The following ATP8A2 variants were observed in gnomAD, a reference collection of about 807,000 sequenced individuals.
ATP8A2 encodes the protein phospholipid-transporting ATPase IB.
A neutral mutation model predicts 165.6 loss-of-function variants in ATP8A2; 100 were observed. The ratio of observed to expected loss-of-function variants is 0.60; its 90% CI spans 0.51 to 0.71. The LOEUF (loss-of-function observed/expected upper bound fraction) is 0.71, where lower values mean the gene tolerates loss of function less well. Ranked by LOEUF, ATP8A2 falls within the 30% of genes least tolerant of loss-of-function variation. The probability of loss-of-function intolerance (pLI) is 0.00; values close to 1 mark genes in which losing one functional copy is unlikely to be tolerated. For missense variants in ATP8A2, 1,227 were observed against 1,479.5 expected (o/e 0.83, Z 2.80); for synonymous variants, 543 against 548.8 (o/e 0.99, Z 0.15).
chr13:25,728,671 C>A (rs757357468), intron 25 of ATP8A2, among the ~76,000 whole-genome samples: 15 of 152,112 alleles, frequency 9.9e-5, no homozygotes, highest in Non-Finnish European at 1.9e-4. Context: ...AAGTGAAACA[C>A]CCCAGGTTTT....
chr13:25,864,656 A>T (rs1242330718), intron 33 of ATP8A2, among the ~76,000 whole-genome samples: 1 of 152,250 alleles, frequency 6.6e-6, no homozygotes, highest in Non-Finnish European at 1.5e-5. Flanking sequence ...TCTTTAAAAC[A>T]TGTCATTTTA....
intron 24 of ATP8A2, among the ~76,000 whole-genome samples, chr13:25,649,550 G>A (rs185730032): frequency 1.3e-5 from 2 of 152,312 alleles, no homozygotes; most frequent in African/African-American, 4.8e-5. Flanking sequence ...TTGAGGTTAA[G>A]TGCTGTGTAA....
At chr13:25,589,767 T>C in intron 24 of ATP8A2, 68 bp downstream of exon 24, 1 of 964,334 alleles carries the variant, frequency 1.0e-6, no homozygotes, top group East Asian at 2.5e-5. Flanking sequence ...TCTACTATCA[T>C]TGATAATCAG....
At chr13:25,463,143 T>TTTTTA (rs10674299) in intron 1 of ATP8A2, among the ~76,000 whole-genome samples, 4 of 145,802 alleles carry the variant, frequency 2.7e-5, no homozygotes, top group South Asian at 2.2e-4. Context: ...TTTTTTTTTT[T>TTTTTA]GAGATAATGA....
intron 2 of ATP8A2, among the ~76,000 whole-genome samples, chr13:25,507,863 T>A (rs1203459514): frequency 6.6e-6 from 1 of 152,122 alleles, no homozygotes; most frequent in Non-Finnish European, 1.5e-5. Flanking sequence ...AACTACTAAA[T>A]GTAAACTACA....
intron 24 of ATP8A2, among the ~76,000 whole-genome samples, chr13:25,630,852 G>C (rs1416076513): frequency 6.6e-6 from 1 of 151,970 alleles, no homozygotes; most frequent in Non-Finnish European, 1.5e-5. Flanking sequence ...AAAATCCTTA[G>C]GGTCCGCTTT....
intron 2 of ATP8A2, among the ~76,000 whole-genome samples, chr13:25,494,387 CT>C (rs1566183323): frequency 6.6e-6 from 1 of 152,172 alleles, no homozygotes. Flanking sequence ...CTTTCTGCCA[CT>C]GCAGAGACTC....
intron 25 of ATP8A2, among the ~76,000 whole-genome samples, chr13:25,758,171 T>G (rs1368722348): frequency 2.0e-5 from 3 of 152,212 alleles, no homozygotes; most frequent in Non-Finnish European, 4.4e-5. Flanking sequence ...CCTTAATCTT[T>G]CACCCCTTTT....
rs574987320 is a variant in ATP8A2, at chr13:25,822,796, T to G, written c.2680-5322T>G. 2.4e-3 allele frequency among the ~76,000 whole-genome samples: 360 copies of G among 152,318 alleles called. 2 individuals are homozygous for G. Among genetic ancestry groups the G allele is most frequent in the Non-Finnish European group, 3.8e-3 (259 of 68,036 alleles). On this transcript the variant is annotated intron_variant, in intron 27 of 36. Transcript: ENST00000381655. ...TTCTAAGTTTAATGTCTTACAGGAG[T>G]CATGTTTCACATAGAGCAAAATAAT...
At chr13:25,883,965 A>G (rs1196124346) in intron 33 of ATP8A2, among the ~76,000 whole-genome samples, 2 of 152,184 alleles carry the variant, frequency 1.3e-5, no homozygotes, top group African/African-American at 2.4e-5. Context: ...AGCAAGGAGT[A>G]TGGGTCTCTG....
At chr13:25,518,299 A>G (rs1037393950) in intron 2 of ATP8A2, among the ~76,000 whole-genome samples, 3 of 152,232 alleles carry the variant, frequency 2.0e-5, no homozygotes, top group Admixed American at 2.0e-4. Context: ...CTAGGATGGA[A>G]GGCTTCCAGG....
At chr13:25,937,290 C>T (rs1463785790) in intron 33 of ATP8A2, among the ~76,000 whole-genome samples, 1 of 145,728 alleles carries the variant, frequency 6.9e-6, no homozygotes, top group African/African-American at 2.5e-5. Flanking sequence ...ATCTCAAGTG[C>T]AGTCATAGAA....
At chr13:25,862,653 C>T (rs942175757) in intron 33 of ATP8A2, among the ~76,000 whole-genome samples, 5 of 152,170 alleles carry the variant, frequency 3.3e-5, no homozygotes, top group Admixed American at 3.3e-4. Flanking sequence ...TTAAATCCTC[C>T]GGCTTATTGG....
rs767239810 is a variant in ATP8A2 at position 25,968,533 on chromosome 13, G to A, written c.3273-42G>A. On this transcript the variant is annotated intron_variant, in intron 34 of 36. Transcript: ENST00000381655. Reference sequence around the variant, plus strand: ...GGCCTGTCTTTCCCAGCTGTGTCAAGTCTCTATGCCATGTTCGTTTTGTCT... The same window carrying A: ...GGCCTGTCTTTCCCAGCTGTGTCAAATCTCTATGCCATGTTCGTTTTGTCT... 3.8e-6 allele frequency: 6 copies of A among 1,563,040 alleles called. No homozygotes were observed. In the South Asian group the frequency reaches 4.6e-5, roughly 12 times the overall value.
chr13:25,814,537 A>G (rs377482203), intron 27 of ATP8A2, among the ~76,000 whole-genome samples: 2 of 151,684 alleles, frequency 1.3e-5, no homozygotes, highest in Admixed American at 6.6e-5. Context: ...CGTAGACCCA[A>G]TGGAATAGAA....
intron 30 of ATP8A2, among the ~76,000 whole-genome samples, chr13:25,859,910 C>A (rs1426582410): frequency 6.6e-6 from 1 of 151,950 alleles, no homozygotes; most frequent in African/African-American, 2.4e-5. Context: ...ACAAACTGGA[C>A]AAAGATAAAT....
intron 25 of ATP8A2, among the ~76,000 whole-genome samples, chr13:25,708,635 C>G (rs1329731440): frequency 2.0e-5 from 3 of 152,142 alleles, no homozygotes; most frequent in South Asian, 4.2e-4. Context: ...TTACTGTCCT[C>G]CAGTTTGAAT....
chr13:25,937,362 C>CTTTTTTTTTTTTTTTTTTT (rs1555293658), intron 33 of ATP8A2, among the ~76,000 whole-genome samples: 9 of 38,794 alleles, frequency 2.3e-4, no homozygotes, highest in African/African-American at 5.4e-4. Context: ...TTCTTTCTTT[C>CTTTTTTTTTTTTTTTTTTT]TTTTTTTTTT....
At chr13:25,642,794 C>T (rs1271810483) in intron 24 of ATP8A2, among the ~76,000 whole-genome samples, 1 of 152,084 alleles carries the variant, frequency 6.6e-6, no homozygotes, top group Admixed American at 6.6e-5. Context: ...TTCACAATAG[C>T]AAATATTTGG....
Sources: allele counts gnomAD v4.1 joint callset (sites outside exome capture counted in the v4.1 genomes callset), GRCh38; gene constraint gnomAD v4.1.1; transcripts MANE v1.5; gene names NCBI Gene and HGNC (gene_info 2026-07-23, HGNC 2026-07-21).